The following CSMD2 variants were observed in gnomAD, a reference collection of about 807,000 sequenced individuals.
CSMD2 encodes CUB and sushi domain-containing protein 2.
CSMD2 carries 130 observed loss-of-function variants against 398.5 expected under a neutral mutation model. The ratio of observed to expected loss-of-function variants is 0.33; its 90% CI spans 0.28 to 0.38. The LOEUF is 0.38. Ranked by LOEUF, CSMD2 falls within the 10% of genes least tolerant of loss-of-function variation. The pLI is 1.00. For missense variants in CSMD2, 3,829 were observed against 4,764.9 expected (o/e 0.80, Z 5.78); for synonymous variants, 1,828 against 1,908.5 (o/e 0.96, Z 1.10).
chr1:34,039,909 T>G (rs1011103680), intron 2 of CSMD2, among the ~76,000 whole-genome samples: 2 of 152,092 alleles, frequency 1.3e-5, no homozygotes, highest in Non-Finnish European at 2.9e-5. Flanking sequence ...TCCCAGCACT[T>G]TGGGAGGCCA....
In CSMD2 at chr1:33,716,344, C is replaced by G; in HGVS notation, c.3159G>C (p.Gln1053His). Reference protein sequence around the residue: ...SAGLYGNFTAQVRFISDFSMS... With the variant: ...SAGLYGNFTAHVRFISDFSMS... ...TGGAGAAATCAGAGATGAAGCGGAC[C>G]TGGGCAGTGAAGTTGCCATAGAGCC... Residue 1053 changes from glutamine to histidine, a missense_variant, in exon 20 of 71, where the codon CAG becomes CAC. Gln to His is a conservative substitution (Grantham distance 24, BLOSUM62 0). This residue lies in a region of CSMD2 where 2,001 missense variants were observed against 2,567.1 expected (regional missense o/e 0.78). Coordinates refer to ENST00000373381, the MANE Select transcript of CSMD2 (RefSeq NM_001281956.2). 1 of 1,614,152 alleles carries G rather than the reference C, an allele frequency of 6.2e-7. No homozygotes were observed. Among genetic ancestry groups the G allele is most frequent in the Non-Finnish European group, 8.5e-7 (1 of 1,180,042 alleles).
intron 3 of CSMD2, among the ~76,000 whole-genome samples, chr1:34,032,192 T>C (rs1008803007): frequency 5.3e-5 from 8 of 152,228 alleles, no homozygotes; most frequent in African/African-American, 1.7e-4. Context: ...AGTCATTGTA[T>C]GGTGTTTTCA....
intron 2 of CSMD2, among the ~76,000 whole-genome samples, chr1:34,052,748 T>A (rs1653358152): frequency 6.6e-6 from 1 of 152,150 alleles, no homozygotes; most frequent in African/African-American, 2.4e-5. Flanking sequence ...CAGTGCCTGG[T>A]ACACAGTGGA....
intron 13 of CSMD2, among the ~76,000 whole-genome samples, chr1:33,749,232 G>T (rs566449): frequency 0.08 from 12,110 of 151,224 alleles, 537 homozygotes; most frequent in Admixed American, 0.11. Flanking sequence ...CCGAGTAGCT[G>T]GGACTACAGG....
At chr1:33,957,121 G>C (rs1645195778) in intron 3 of CSMD2, among the ~76,000 whole-genome samples, 3 of 151,570 alleles carry the variant, frequency 2.0e-5, no homozygotes. Context: ...TCTCTCCAAG[G>C]CTGTCTTATT....
At chr1:33,844,996 T>C (rs1661215390) in intron 6 of CSMD2, among the ~76,000 whole-genome samples, 1 of 152,204 alleles carries the variant, frequency 6.6e-6, no homozygotes, top group South Asian at 2.1e-4. Context: ...AAAATAAAAA[T>C]GACATTTTCA....
At chr1:33,839,696 A>G (rs1469147229) in intron 6 of CSMD2, 4 of 152,280 alleles carry the variant, frequency 2.6e-5, no homozygotes, top group African/African-American at 9.6e-5. Context: ...GAATGAAAAA[A>G]ACAGAGTCAG....
chr1:33,586,439 C>T, intron 46 of CSMD2, 65 bp downstream of exon 46: 2 of 1,073,488 alleles, frequency 1.9e-6, no homozygotes, highest in East Asian at 2.4e-5. Flanking sequence ...GAAAGAGGAG[C>T]AAAACAAGAG....
intron 5 of CSMD2, chr1:33,863,198 C>G (rs903689707): frequency 6.6e-6 from 1 of 152,212 alleles, no homozygotes; most frequent in Admixed American, 6.5e-5. Context: ...AGGCAAGTAC[C>G]TAGCAGTGTC....
chr1:34,025,408 G>A (rs796877567), intron 3 of CSMD2, among the ~76,000 whole-genome samples: 4 of 152,288 alleles, frequency 2.6e-5, no homozygotes, highest in African/African-American at 9.6e-5. Flanking sequence ...CACACAATAT[G>A]TGCCCAGTAA....
intron 5 of CSMD2, among the ~76,000 whole-genome samples, chr1:33,872,611 T>C (rs1640555005): frequency 6.6e-6 from 1 of 152,056 alleles, no homozygotes. Flanking sequence ...TGTGGGTTTG[T>C]TTTTTTGTGT....
chr1:33,664,326 A>G (rs2149005366), intron 25 of CSMD2, among the ~76,000 whole-genome samples: 1 of 152,290 alleles, frequency 6.6e-6, no homozygotes, highest in African/African-American at 2.4e-5. Context: ...TTCTTTCTTC[A>G]TTTAATACTA....
chr1:34,053,247 T>C (rs115538406), intron 2 of CSMD2, among the ~76,000 whole-genome samples: 3,150 of 152,232 alleles, frequency 0.021, 65 homozygotes, highest in East Asian at 0.052. Context: ...ATTCTCTTGA[T>C]AGGATAATAA....
rs1296384803 is a variant in CSMD2 at position 33,582,642 on chromosome 1, T to C, written c.7240+1000A>G. 2.6e-5 allele frequency among the ~76,000 whole-genome samples: 4 copies of C among 152,206 alleles called. No individual in the cohort carries two copies. In the East Asian group the frequency reaches 7.7e-4, roughly 29 times the overall value. On this transcript the variant is annotated intron_variant, in intron 47 of 70. Transcript: ENST00000373381. ...TGGAATGTTCAGATATATCAAAGACTTCTGGATACAGGATGTTAATTGATG... is the reference window on the plus strand; with the variant it reads ...TGGAATGTTCAGATATATCAAAGACCTCTGGATACAGGATGTTAATTGATG...
chr1:33,880,278 C>T (rs895263400), intron 5 of CSMD2, among the ~76,000 whole-genome samples: 8 of 152,190 alleles, frequency 5.3e-5, no homozygotes, highest in African/African-American at 1.7e-4. Context: ...GCTTCTCTCT[C>T]TCTCTCTTTT....
rs553188851 is a variant in CSMD2 at position 33,912,419 on chromosome 1, A to C, written c.920+5675T>G. On this transcript the variant is annotated intron_variant, in intron 5 of 70. Coordinates refer to ENST00000373381, the MANE Select transcript of CSMD2 (RefSeq NM_001281956.2). ...CGACCCCCGCATCATACACCCCCCC[A>C]CACACACTCCTGAGGCTGGCACTTC... Among the ~76,000 whole-genome samples the C allele has an allele frequency of 8.4e-5, 12 of 143,350 alleles. No individual in the cohort carries two copies. In the East Asian group the frequency reaches 2.2e-3, roughly 27 times the overall value. 94.0% of individuals were successfully genotyped at this position (143,350 alleles called of 152,430 possible).
intron 22 of CSMD2, among the ~76,000 whole-genome samples, chr1:33,702,164 G>A (rs1393951749): frequency 6.6e-6 from 1 of 152,150 alleles, no homozygotes; most frequent in African/African-American, 2.4e-5. Context: ...TTACAAGGGG[G>A]AAAAGAAAAG....
At chr1:34,061,819 G>A (rs995130521) in intron 2 of CSMD2, among the ~76,000 whole-genome samples, 1 of 152,162 alleles carries the variant, frequency 6.6e-6, no homozygotes, top group Non-Finnish European at 1.5e-5. Flanking sequence ...AAAGGCACAG[G>A]CTTCCGTGCT....
chr1:34,081,706 A>G (rs1030813771), intron 2 of CSMD2, among the ~76,000 whole-genome samples: 2 of 152,156 alleles, frequency 1.3e-5, no homozygotes, highest in African/African-American at 4.8e-5. Context: ...TCAGTGCTCA[A>G]TGTTGCCCAG....
Sources: gnomAD v4.1 joint callset for allele counts (sites outside exome capture counted in the v4.1 genomes callset) on GRCh38, gnomAD v4.1.1 for gene constraint, gnomAD v4.1.1 regional missense constraint, MANE v1.5 for transcripts, NCBI Gene and HGNC (gene_info 2026-07-23, HGNC 2026-07-21) for gene names.